The following RBFOX1 variants were observed in gnomAD, a reference collection of about 807,000 sequenced individuals.
The protein encoded by RBFOX1 is RNA binding protein fox-1 homolog 1.
Under a neutral mutation model 57.7 loss-of-function variants are expected in RBFOX1, and 8 were observed. The observed-to-expected ratio is 0.14, with a 90% confidence interval of 0.08 to 0.25. RBFOX1 has a LOEUF of 0.25. Among genes scored for constraint, RBFOX1 ranks in the 10% least tolerant of loss-of-function variants. The pLI, the probability that RBFOX1 is intolerant of heterozygous loss-of-function variation, is 1.00. For missense variants in RBFOX1, 611 were observed against 548.5 expected (o/e 1.11, Z -1.14); for synonymous variants, 326 against 222.4 (o/e 1.47, Z -4.15).
At chr16:6,453,663 C>G (rs1597458497) in intron 2 of RBFOX1, among the ~76,000 whole-genome samples, 1 of 152,034 alleles carries the variant, frequency 6.6e-6, no homozygotes, top group East Asian at 1.9e-4. Context: ...AAAAGAGGGA[C>G]TCCTCCGTAA....
At chr16:7,608,658 T>C (rs1487634096) in intron 10 of RBFOX1, among the ~76,000 whole-genome samples, 1 of 152,188 alleles carries the variant, frequency 6.6e-6, no homozygotes, top group East Asian at 1.9e-4. Context: ...TCACCAGCAG[T>C]GTGACTCTGG....
intron 11 of RBFOX1, among the ~76,000 whole-genome samples, chr16:7,648,769 C>G (rs760311133): frequency 5.3e-5 from 8 of 152,110 alleles, no homozygotes; most frequent in Non-Finnish European, 1.2e-4. Flanking sequence ...CGCTTTTCCC[C>G]TGAACAAGAA....
chr16:6,380,451 G>C (rs1405020434), intron 2 of RBFOX1, among the ~76,000 whole-genome samples: 1 of 96,254 alleles, frequency 1.0e-5, no homozygotes, highest in Non-Finnish European at 2.0e-5. Context: ...TTTTTTAGTA[G>C]AACTCAGCAG....
chr16:7,081,321 C>T (rs558729867), intron 4 of RBFOX1, among the ~76,000 whole-genome samples: 15 of 152,162 alleles, frequency 9.9e-5, no homozygotes, highest in Non-Finnish European at 2.1e-4. Flanking sequence ...AGGTGTGAGC[C>T]ACCACGCCCG....
At chr16:7,251,692 T>A (rs1333883920) in intron 4 of RBFOX1, among the ~76,000 whole-genome samples, 1 of 152,176 alleles carries the variant, frequency 6.6e-6, no homozygotes, top group Non-Finnish European at 1.5e-5. Flanking sequence ...AGTCGTGGGA[T>A]TACAGGCATG....
chr16:6,926,567 G>C (rs979682599), intron 3 of RBFOX1, among the ~76,000 whole-genome samples: 33 of 152,180 alleles, frequency 2.2e-4, no homozygotes, highest in African/African-American at 7.7e-4. Flanking sequence ...AATCCTGCAG[G>C]CTCTGCCTTT....
intron 4 of RBFOX1, among the ~76,000 whole-genome samples, chr16:5,957,502 G>A (rs1348456579): frequency 6.6e-6 from 1 of 152,306 alleles, no homozygotes; most frequent in South Asian, 2.1e-4. Context: ...TGGGATTACA[G>A]GCATGAGTCG....
At chr16:7,158,747 G>A (rs2077668340) in intron 4 of RBFOX1, among the ~76,000 whole-genome samples, 1 of 151,930 alleles carries the variant, frequency 6.6e-6, no homozygotes, top group South Asian at 2.1e-4. Flanking sequence ...GTTGTTTCTG[G>A]GTGGTGTGTG....
At chr16:7,448,089 A>T (rs540835889) in intron 4 of RBFOX1, among the ~76,000 whole-genome samples, 7 of 152,358 alleles carry the variant, frequency 4.6e-5, no homozygotes, top group African/African-American at 1.7e-4. Context: ...AGCTACTCTT[A>T]AGATGCAGCA....
At chr16:6,746,745 G>A (rs2073758189) in intron 3 of RBFOX1, among the ~76,000 whole-genome samples, 1 of 151,886 alleles carries the variant, frequency 6.6e-6, no homozygotes, top group Non-Finnish European at 1.5e-5. Flanking sequence ...GTTTACATAG[G>A]GCAGAAAAGT....
intron 3 of RBFOX1, among the ~76,000 whole-genome samples, chr16:6,688,972 C>CT (rs77504166): frequency 0.16 from 24,478 of 152,072 alleles, 2,447 homozygotes; most frequent in East Asian, 0.48. Context: ...TGAACTCATC[C>CT]TTTTTTATGG....
chr16:6,405,652 A>G (rs1051434431), intron 2 of RBFOX1, among the ~76,000 whole-genome samples: 1 of 152,186 alleles, frequency 6.6e-6, no homozygotes, highest in Non-Finnish European at 1.5e-5. Flanking sequence ...AGCAAAAATG[A>G]AAGTGAATAG....
At chr16:6,856,510 A>G (rs1424349942) in intron 3 of RBFOX1, among the ~76,000 whole-genome samples, 1 of 152,096 alleles carries the variant, frequency 6.6e-6, no homozygotes, top group Non-Finnish European at 1.5e-5. Context: ...TAGAAATATC[A>G]AATTGGTAAG....
At chr16:6,514,150 A>T (rs2096318044) in intron 2 of RBFOX1, among the ~76,000 whole-genome samples, 2 of 152,140 alleles carry the variant, frequency 1.3e-5, no homozygotes, top group African/African-American at 4.8e-5. Flanking sequence ...CGTTCCATCC[A>T]GTGCTCTTTC....
rs150051677 is a variant in RBFOX1 at position 6,990,703 on chromosome 16, G to A, written c.-15-61354G>A. ...TCAGTTTTGCACCGACCTAATAGTT[G>A]TGAATGTGAGCTTGGACAAGTTTCT... On this transcript the variant is annotated intron_variant, in intron 3 of 15. Transcript: ENST00000550418. Among the ~76,000 whole-genome samples the A allele has an allele frequency of 2.0e-4, 30 of 152,206 alleles. No homozygotes were observed. In the East Asian group the frequency reaches 4.9e-3, roughly 25 times the overall value.
Position 5,424,818 on chromosome 16 carries a change from C to T in RBFOX1, c.220-42398C>T, listed in dbSNP as rs563253223. Among the ~76,000 whole-genome samples, 467 of 150,406 alleles carry T rather than the reference C, an allele frequency of 3.1e-3. 3 individuals are homozygous for T. The highest frequency in any genetic ancestry group is 6.8e-3 in the Middle Eastern group (2 of 292). On this transcript the variant is annotated intron_variant, in intron 1 of 2. Coordinates refer to the RBFOX1 transcript ENST00000585867. ...GCTCATGGTGTCTGTTTTCTCTTCT[C>T]CTCTCCTCTCCTCTCTTTCTTTCTT...
intron 3 of RBFOX1, among the ~76,000 whole-genome samples, chr16:6,765,044 A>C (rs1485540331): frequency 1.3e-5 from 2 of 152,144 alleles, no homozygotes; most frequent in Admixed American, 1.3e-4. Flanking sequence ...ATTCATGGTG[A>C]CATGAAATTT....
intron 4 of RBFOX1, among the ~76,000 whole-genome samples, chr16:7,285,679 G>C (rs1394758870): frequency 6.6e-6 from 1 of 152,114 alleles, no homozygotes; most frequent in Non-Finnish European, 1.5e-5. Flanking sequence ...TAATTCCCTG[G>C]AGACTCATTG....
At chr16:6,708,799 G>T (rs1448122711) in intron 3 of RBFOX1, among the ~76,000 whole-genome samples, 1 of 152,098 alleles carries the variant, frequency 6.6e-6, no homozygotes, top group Non-Finnish European at 1.5e-5. Context: ...CCCTGGCTGG[G>T]TGCACATTCT....
Sources: allele counts gnomAD v4.1 joint callset (sites outside exome capture counted in the v4.1 genomes callset), GRCh38; gene constraint gnomAD v4.1.1; transcripts MANE v1.5; gene names NCBI Gene and HGNC (gene_info 2026-07-23, HGNC 2026-07-21).